The following FGGY variants were observed in gnomAD, a reference collection of about 807,000 sequenced individuals.
FGGY encodes the protein FGGY carbohydrate kinase domain-containing protein.
Under a neutral mutation model 71.3 loss-of-function variants are expected in FGGY, and 72 were observed. The observed-to-expected ratio is 1.01, with a 90% CI of 0.84 to 1.23. FGGY has a LOEUF of 1.23. Among genes scored for constraint, FGGY ranks in the 50% most tolerant of loss-of-function variants. FGGY has a pLI of 0.00. For missense variants in FGGY, 668 were observed against 682.3 expected, an observed-to-expected ratio of 0.98 and a Z score of 0.23; for synonymous variants, 251 against 250.3, an observed-to-expected ratio of 1.00 and a Z score of -0.02.
In FGGY at chr1:59,566,646, T is replaced by C. The variant is rs901607260; in HGVS notation, c.903+12419T>C. 7.2e-5 allele frequency among the ~76,000 whole-genome samples: 11 copies of C among 152,152 alleles called. No individual in the cohort carries two copies. In the East Asian group the frequency reaches 2.1e-3, roughly 29 times the overall value. ...AAAAAAAAAAGTTCAGATGAGACAA[T>C]GAGTGGACCTTCTGGCTGTGTTCTT... On this transcript the variant is annotated intron_variant, in intron 8 of 15. Coordinates refer to ENST00000303721, the MANE Select transcript of FGGY (RefSeq NM_018291.5).
At chr1:59,539,244 A>T (rs1438633431) in intron 7 of FGGY, among the ~76,000 whole-genome samples, 1 of 152,166 alleles carries the variant, frequency 6.6e-6, no homozygotes, top group Non-Finnish European at 1.5e-5. Flanking sequence ...ATTCTAGCAG[A>T]TTTGTGTGTA....
At chr1:59,661,643 TATA>T (rs1044747847) in intron 12 of FGGY, among the ~76,000 whole-genome samples, 6 of 152,214 alleles carry the variant, frequency 3.9e-5, no homozygotes, top group Non-Finnish European at 5.9e-5. Flanking sequence ...TGTCCTGTTT[TATA>T]ATAATAATGA....
intron 4 of FGGY, among the ~76,000 whole-genome samples, chr1:59,351,784 G>T (rs1404546990): frequency 1.3e-5 from 2 of 152,156 alleles, no homozygotes; most frequent in Non-Finnish European, 2.9e-5. Flanking sequence ...TGGCTGTGAG[G>T]AGTGAGTCAG....
intron 8 of FGGY, among the ~76,000 whole-genome samples, chr1:59,555,988 C>T (rs534935113): frequency 2.0e-5 from 3 of 152,230 alleles, no homozygotes; most frequent in South Asian, 2.1e-4. Flanking sequence ...GCAACAAGAG[C>T]GACACTCCAT....
rs1473581632 is a variant in FGGY at position 59,702,836 on chromosome 1, A to G, written c.1512+28703A>G. 2.6e-5 allele frequency among the ~76,000 whole-genome samples: 4 copies of G among 152,188 alleles called. 1 individual carries two copies. The highest frequency in any genetic ancestry group is 5.9e-5 in the Non-Finnish European group (4 of 68,016). The stretch of plus-strand genomic sequence containing the variant: ...GAATGTGTATGGACACCAGCTGGGC[A>G]GCTTCCTCATGGTCCCTGGATGACA... On this transcript the variant is annotated intron_variant, in intron 14 of 15. Transcript: ENST00000303721.
At chr1:59,488,956 C>A (rs1246760841) in intron 6 of FGGY, among the ~76,000 whole-genome samples, 1 of 151,986 alleles carries the variant, frequency 6.6e-6, no homozygotes, top group Non-Finnish European at 1.5e-5. Context: ...CATGTCCTTT[C>A]TGTTTTAATT....
chr1:59,748,491 A>G (rs947006285), intron 14 of FGGY, among the ~76,000 whole-genome samples: 1 of 152,172 alleles, frequency 6.6e-6, no homozygotes, highest in African/African-American at 2.4e-5. Flanking sequence ...GGCCTTAGGC[A>G]GGAGGAAGGT....
intron 1 of FGGY, among the ~76,000 whole-genome samples, chr1:59,299,819 A>G (rs11584004): frequency 0.23 from 35,055 of 151,946 alleles, 4,218 homozygotes; most frequent in East Asian, 0.43. Flanking sequence ...GAGAGTGACG[A>G]TGTGAGTGGT....
intron 6 of FGGY, among the ~76,000 whole-genome samples, chr1:59,505,018 A>C (rs1394296568): frequency 1.3e-5 from 2 of 152,216 alleles, no homozygotes; most frequent in African/African-American, 4.8e-5. Flanking sequence ...AGAGAGATCG[A>C]GGTATAAATA....
chr1:59,447,856 A>C (rs530754478), intron 5 of FGGY, among the ~76,000 whole-genome samples: 7 of 152,316 alleles, frequency 4.6e-5, no homozygotes, highest in Middle Eastern at 3.4e-3. Flanking sequence ...CAGCAGTGTG[A>C]AAATGGACTA....
At chr1:59,737,851 CA>C (rs2098118371) in intron 14 of FGGY, among the ~76,000 whole-genome samples, 1 of 152,122 alleles carries the variant, frequency 6.6e-6, no homozygotes. Context: ...TGGGAGGGGC[CA>C]GGGGCAGAAT....
rs182550985 is a variant in FGGY at position 59,495,485 on chromosome 1, A to G, written c.671-16826A>G. ...TTTAGGTTTTATATCTAAGTCTTTAATCTATCTTGAATTGATTTTTATATA... is the reference window on the plus strand; with the variant it reads ...TTTAGGTTTTATATCTAAGTCTTTAGTCTATCTTGAATTGATTTTTATATA... On this transcript the variant is annotated intron_variant, in intron 6 of 15. Coordinates refer to ENST00000303721, the MANE Select transcript of FGGY (RefSeq NM_018291.5). Among the ~76,000 whole-genome samples, 405 of 152,054 alleles carry G rather than the reference A, an allele frequency of 2.7e-3. 3 individuals carry two copies. Among genetic ancestry groups the G allele is most frequent in the African/African-American group, 9.2e-3 (382 of 41,508 alleles).
chr1:59,564,225 A>C (rs2153723473), intron 8 of FGGY, among the ~76,000 whole-genome samples: 1 of 152,332 alleles, frequency 6.6e-6, no homozygotes, highest in African/African-American at 2.4e-5. Context: ...CTGCACAGTC[A>C]AAAAAGCTGT....
chr1:59,656,395 A>T (rs916863626), intron 11 of FGGY, among the ~76,000 whole-genome samples: 2 of 151,678 alleles, frequency 1.3e-5, no homozygotes, highest in African/African-American at 2.4e-5. Context: ...CACTGTCACC[A>T]CCTCCCTTCG....
chr1:59,330,373 C>T (rs949826210), intron 2 of FGGY, among the ~76,000 whole-genome samples: 3 of 151,828 alleles, frequency 2.0e-5, no homozygotes, highest in African/African-American at 4.8e-5. Flanking sequence ...GTTTGAGACC[C>T]GCCTGGTCAA....
intron 14 of FGGY, among the ~76,000 whole-genome samples, chr1:59,686,945 A>G (rs2097548610): frequency 6.6e-6 from 1 of 152,268 alleles, no homozygotes; most frequent in Non-Finnish European, 1.5e-5. Context: ...TGAGAGGTAT[A>G]CAAAATTATA....
Position 59,377,012 on chromosome 1 carries a change from T to C in FGGY, c.466-1737T>C, listed in dbSNP as rs146330617. 8.2e-3 allele frequency among the ~76,000 whole-genome samples: 1,243 copies of C among 152,322 alleles called. 12 individuals are homozygous for C. Among genetic ancestry groups the C allele is most frequent in the Non-Finnish European group, 0.012 (846 of 68,022 alleles). On this transcript the variant is annotated intron_variant, in intron 4 of 15. Transcript: ENST00000303721. The stretch of plus-strand genomic sequence containing the variant: ...CCATTTGGGTCCTGATTCTAAGTTC[T>C]TGGGAGAAGAAATCTGGTTGGTACA...
At chr1:59,393,675 A>G (rs1446004233) in intron 5 of FGGY, among the ~76,000 whole-genome samples, 1 of 152,030 alleles carries the variant, frequency 6.6e-6, no homozygotes, top group Non-Finnish European at 1.5e-5. Context: ...TTTGAGAAAC[A>G]TATGTAGTTT....
At chr1:59,634,757 C>G (rs1239605466) in intron 10 of FGGY, among the ~76,000 whole-genome samples, 2 of 152,084 alleles carry the variant, frequency 1.3e-5, no homozygotes, top group East Asian at 3.8e-4. Context: ...TATTGATAAA[C>G]CTGTCATTTT....
Sources: gnomAD v4.1 joint callset for allele counts (sites outside exome capture counted in the v4.1 genomes callset) on GRCh38, gnomAD v4.1.1 for gene constraint, MANE v1.5 for transcripts, NCBI Gene and HGNC (gene_info 2026-07-23, HGNC 2026-07-21) for gene names.